The following OCA2 variants were observed in gnomAD, a reference collection of about 807,000 sequenced individuals.
OCA2 encodes the protein OCA2 melanosomal transmembrane protein, also known as P protein.
In OCA2, 77 loss-of-function variants were observed where a neutral mutation model predicts 100.2. That is an observed-to-expected ratio of 0.77 (90% CI 0.64 to 0.93). The LOEUF is 0.93. Among genes scored for constraint, OCA2 ranks in the 40% least tolerant of loss-of-function variants. The pLI is 0.00. For missense variants in OCA2, 1,062 were observed against 1,089.1 expected, an observed-to-expected ratio of 0.98 and a Z score of 0.35; for synonymous variants, 432 against 439.2, an observed-to-expected ratio of 0.98 and a Z score of 0.21.
At chr15:28,082,843 A>C (rs761928949) in intron 1 of OCA2, among the ~76,000 whole-genome samples, 7 of 151,564 alleles carry the variant, frequency 4.6e-5, no homozygotes, top group Non-Finnish European at 1.0e-4. Flanking sequence ...GAATATAATA[A>C]TACCTACAAT....
At chr15:27,831,727 A>G (rs904559505) in intron 23 of OCA2, among the ~76,000 whole-genome samples, 27 of 152,316 alleles carry the variant, frequency 1.8e-4, no homozygotes, top group African/African-American at 5.5e-4. Context: ...AGGGAGAGGC[A>G]GAGATGAGAG....
intron 1 of OCA2, among the ~76,000 whole-genome samples, chr15:28,082,773 T>G (rs1211258415): frequency 1.3e-5 from 2 of 152,206 alleles, no homozygotes; most frequent in Non-Finnish European, 2.9e-5. Context: ...TTTCTTTGGT[T>G]TTGTTTGATC....
chr15:28,000,331 T>C (rs1388369297), intron 9 of OCA2, among the ~76,000 whole-genome samples: 1 of 152,182 alleles, frequency 6.6e-6, no homozygotes, highest in Non-Finnish European at 1.5e-5. Flanking sequence ...TCAACTAATA[T>C]TTGACAAGAA....
At chr15:27,796,570 G>C (rs950899496) in intron 23 of OCA2, among the ~76,000 whole-genome samples, 1 of 151,916 alleles carries the variant, frequency 6.6e-6, no homozygotes, top group Non-Finnish European at 1.5e-5. Flanking sequence ...TCCCCCAACA[G>C]GTGTAACAGG....
intron 1 of OCA2, among the ~76,000 whole-genome samples, chr15:28,093,315 A>C (rs1412945689): frequency 2.6e-5 from 4 of 151,854 alleles, no homozygotes; most frequent in Non-Finnish European, 4.4e-5. Flanking sequence ...CCAGCTACCG[A>C]GGAGACTGAG....
At chr15:27,722,772 T>C in the OCA2 span, among the ~76,000 whole-genome samples, 1 of 80,012 alleles carries the variant, frequency 1.2e-5, no homozygotes, top group South Asian at 5.5e-4. Flanking sequence ...TTTCTTTCTT[T>C]TCTTTCTTTC....
intron 19 of OCA2, among the ~76,000 whole-genome samples, chr15:27,914,985 C>G (rs779563712): frequency 2.6e-5 from 4 of 152,086 alleles, no homozygotes; most frequent in Non-Finnish European, 4.4e-5. Flanking sequence ...TACAGTTAAC[C>G]AAAACATCAT....
chr15:27,867,962 G>C (rs1488229412), intron 21 of OCA2, among the ~76,000 whole-genome samples: 1 of 152,118 alleles, frequency 6.6e-6, no homozygotes. Flanking sequence ...CTCTCCTCAG[G>C]GAGCTGCCTT....
At chr15:28,036,381 CCT>C (rs1161977658) in intron 2 of OCA2, among the ~76,000 whole-genome samples, 2 of 152,148 alleles carry the variant, frequency 1.3e-5, no homozygotes, top group African/African-American at 4.8e-5. Context: ...CCCATTACTC[CCT>C]GTTTCAGTTA....
intron 14 of OCA2, among the ~76,000 whole-genome samples, chr15:27,976,154 T>C (rs1231175302): frequency 6.6e-6 from 1 of 152,220 alleles, no homozygotes; most frequent in Non-Finnish European, 1.5e-5. Context: ...TTGTAGGAGC[T>C]CTTTTGTGGA....
intron 9 of OCA2, among the ~76,000 whole-genome samples, chr15:27,993,638 A>G (rs1452844550): frequency 6.6e-6 from 1 of 152,146 alleles, no homozygotes; most frequent in Non-Finnish European, 1.5e-5. Flanking sequence ...ACCCTCGCTA[A>G]GTTTGCTCCG....
intron 18 of OCA2, among the ~76,000 whole-genome samples, chr15:27,934,942 C>G (rs2039398591): frequency 6.6e-6 from 1 of 152,180 alleles, no homozygotes; most frequent in African/African-American, 2.4e-5. Context: ...TGCATAAGCT[C>G]GTCTGCTTGG....
At chr15:27,838,681 G>A (rs1245113405) in intron 23 of OCA2, among the ~76,000 whole-genome samples, 14 of 152,138 alleles carry the variant, frequency 9.2e-5, no homozygotes, top group Non-Finnish European at 1.9e-4. Context: ...GTAAGAGAAC[G>A]GGGCTGCCAT....
intron 2 of OCA2, among the ~76,000 whole-genome samples, chr15:28,034,961 A>G (rs771184986): frequency 2.0e-4 from 30 of 152,154 alleles, no homozygotes; most frequent in Non-Finnish European, 3.5e-4. Context: ...CAGGAGAGGG[A>G]GAGTGCTCAG....
At chr15:27,986,983 G>C (rs369022584) in intron 11 of OCA2, among the ~76,000 whole-genome samples, 1 of 152,220 alleles carries the variant, frequency 6.6e-6, no homozygotes, top group Non-Finnish European at 1.5e-5. Context: ...AGTGCGAGGT[G>C]GGTTGCTCAC....
intron 19 of OCA2, among the ~76,000 whole-genome samples, chr15:27,885,922 A>G (rs1288875108): frequency 6.6e-6 from 1 of 152,242 alleles, no homozygotes; most frequent in Non-Finnish European, 1.5e-5. Flanking sequence ...TTAGAGCATT[A>G]TTACAATGTG....
At chr15:27,840,514 T>C (rs1352417855) in intron 23 of OCA2, among the ~76,000 whole-genome samples, 1 of 151,920 alleles carries the variant, frequency 6.6e-6, no homozygotes, top group Non-Finnish European at 1.5e-5. Context: ...CAGTATGTTG[T>C]CTCTCATAGC....
chr15:27,977,835 C>G (rs930857393), intron 14 of OCA2, among the ~76,000 whole-genome samples: 1 of 152,174 alleles, frequency 6.6e-6, no homozygotes, highest in African/African-American at 2.4e-5. Context: ...CCCCGCCTCC[C>G]TGCCACATGA....
rs1800403 is a variant in OCA2, at chr15:28,014,794, G to A, written c.1026C>T (p.Tyr342=). The change falls in exon 9 of 24, where the codon TAC becomes TAT. Residue 342 remains tyrosine, a synonymous_variant. Transcript: ENST00000354638. ...TIATAILAGV[Y]ALIIFEIVHR... is the part of the protein sequence containing the mutation. Reference sequence around the variant, plus strand: ...AAGTTACCTCAAATATGATCAGCGCGTAGACGCCCGCGAGGATGGCCGTCG... The same window carrying A: ...AAGTTACCTCAAATATGATCAGCGCATAGACGCCCGCGAGGATGGCCGTCG... 1.3e-3 allele frequency: 2,040 copies of A among 1,613,688 alleles called. 27 individuals are homozygous for A. The African/African-American group carries it at 0.024, about 19-fold the overall frequency.
Sources: gnomAD v4.1 joint callset for allele counts (sites outside exome capture counted in the v4.1 genomes callset) on GRCh38, gnomAD v4.1.1 for gene constraint, MANE v1.5 for transcripts, NCBI Gene and HGNC (gene_info 2026-07-23, HGNC 2026-07-21) for gene names.